The following IFT43 variants were observed in gnomAD, a reference collection of about 807,000 sequenced individuals.
IFT43 encodes the protein intraflagellar transport protein 43 homolog.
Under a neutral mutation model 32.3 loss-of-function variants are expected in IFT43, and 33 were observed. The observed-to-expected ratio is 1.02, with a 90% CI of 0.77 to 1.37. The LOEUF (loss-of-function observed/expected upper bound fraction) is 1.37, where lower values mean the gene tolerates loss of function less well. IFT43 is among the 40% of genes most tolerant of loss of function. IFT43 has a pLI of 0.00. For synonymous variants in IFT43, 93 were observed against 98.2 expected (o/e 0.95, Z 0.31); for missense variants, 274 against 265.9 (o/e 1.03, Z -0.21).
At chr14:75,989,096 C>T in intron 2 of IFT43, 119 bp downstream of exon 2, 1 of 1,284,904 alleles carries the variant, frequency 7.8e-7, no homozygotes, top group South Asian at 1.3e-5. Context: ...TTTCTCCTGT[C>T]TTGATTTGGG....
intron 2 of IFT43, among the ~76,000 whole-genome samples, chr14:76,020,821 G>T (rs1334255053): frequency 6.6e-6 from 1 of 152,070 alleles, no homozygotes; most frequent in African/African-American, 2.4e-5. Context: ...TGGTGGATCT[G>T]GGCAGGTCAG....
At chr14:76,013,217 C>A (rs1360117512) in intron 2 of IFT43, among the ~76,000 whole-genome samples, 1 of 152,216 alleles carries the variant, frequency 6.6e-6, no homozygotes. Flanking sequence ...AACTCAGACT[C>A]ATAACATTTG....
chr14:76,069,798 A>C (rs2037288555), intron 5 of IFT43, among the ~76,000 whole-genome samples: 1 of 152,228 alleles, frequency 6.6e-6, no homozygotes, highest in Non-Finnish European at 1.5e-5. Context: ...GCAGAGCCCA[A>C]GACTGAGTGG....
intron 3 of IFT43, among the ~76,000 whole-genome samples, chr14:76,049,580 T>C (rs2036874210): frequency 6.6e-6 from 1 of 151,996 alleles, no homozygotes; most frequent in South Asian, 2.1e-4. Flanking sequence ...AAATGCTAAG[T>C]GGTTGCAGAA....
chr14:76,083,541 G>A lies in IFT43; in HGVS notation c.591G>A (p.Glu197=), dbSNP rs1315482566. Residue 197 remains glutamate (E), a synonymous_variant, in exon 9 of 9, where the codon GAG becomes GAA. Transcript: ENST00000314067. The stretch of plus-strand genomic sequence containing the variant: ...CTGAGTGGGACCCACTGCAGACGGA[G>A]AAGGAGGACCCTGCGGGGCAGGCCA... ...VLTEWDPLQT[E]KEDPAGQARH... 1 of 1,614,186 alleles carries A rather than the reference G, an allele frequency of 6.2e-7. No individual in the cohort carries two copies. The highest frequency in any genetic ancestry group is 8.5e-7 in the Non-Finnish European group (1 of 1,180,038).
intron 2 of IFT43, among the ~76,000 whole-genome samples, chr14:76,009,183 A>G (rs536198060): frequency 7.6e-4 from 116 of 152,334 alleles, no homozygotes; most frequent in African/African-American, 2.7e-3. Flanking sequence ...GCAATCATGT[A>G]TCATCTGCTT....
intron 3 of IFT43, 38 bp downstream of exon 3, chr14:76,022,432 G>A: frequency 8.0e-7 from 1 of 1,242,348 alleles, no homozygotes; most frequent in Non-Finnish European, 1.2e-6. Flanking sequence ...GGGTGGGGGT[G>A]CACACGGTTG....
At chr14:75,986,901 AT>A (rs1234589744) in intron 1 of IFT43, among the ~76,000 whole-genome samples, 1 of 152,190 alleles carries the variant, frequency 6.6e-6, no homozygotes, top group African/African-American at 2.4e-5. Context: ...TTCAACAAAT[AT>A]TTATTGAGCC....
intron 3 of IFT43, among the ~76,000 whole-genome samples, chr14:76,038,885 T>C (rs1405225211): frequency 2.6e-5 from 4 of 152,130 alleles, no homozygotes; most frequent in African/African-American, 7.2e-5. Flanking sequence ...GAACAGCTCA[T>C]CTGTGGAGCC....
chr14:76,060,031 G>A lies in IFT43; in HGVS notation c.295+658G>A, dbSNP rs375156822. Among the ~76,000 whole-genome samples the A allele has an allele frequency of 2.4e-4, 37 of 152,078 alleles. 2 individuals carry two copies. Among genetic ancestry groups the A allele is most frequent in the East Asian group, 1.3e-3 (7 of 5,190 alleles). On this transcript the variant is annotated intron_variant, in intron 5 of 8. Coordinates refer to ENST00000314067, the MANE Select transcript of IFT43 (RefSeq NM_001102564.3). ...TATCTTTGCATCTCCAGTGTGTGAC[G>A]CATAGTAGTTAGTTAATGGCTAGCT...
intron 1 of IFT43, among the ~76,000 whole-genome samples, chr14:75,986,791 G>A (rs1395036831): frequency 6.6e-6 from 1 of 152,200 alleles, no homozygotes; most frequent in East Asian, 1.9e-4. Context: ...CAAGTCTTTA[G>A]TGTCTGCTGT....
Position 76,005,673 on chromosome 14 carries a change from A to C in IFT43, c.148-16654A>C, listed in dbSNP as rs117764191. On this transcript the variant is annotated intron_variant, in intron 2 of 8. Coordinates refer to ENST00000314067, the MANE Select transcript of IFT43 (RefSeq NM_001102564.3). ...CTGAGCTTTGTTCTTAAAGCCAATA[A>C]AATTGCAGCTTTCTGCTGGAGTTCC... is the stretch of plus-strand genomic sequence containing the variant. 3.1e-3 allele frequency among the ~76,000 whole-genome samples: 478 copies of C among 152,276 alleles called. 1 individual carries two copies. Among genetic ancestry groups the C allele is most frequent in the Non-Finnish European group, 4.7e-3 (320 of 68,026 alleles).
rs372111460 is a variant in IFT43, at chr14:75,986,118, T to C, written c.54+278T>C. 14 of 1,420,168 alleles carry C rather than the reference T, an allele frequency of 9.9e-6. No homozygotes were observed. In the East Asian group the frequency reaches 2.3e-4, roughly 23 times the overall value. The allele number at this position is 1,420,168 out of a possible 1,614,324, so 88.0% of individuals were successfully genotyped here. On this transcript the variant is annotated intron_variant, in intron 1 of 8. Coordinates refer to ENST00000314067, the MANE Select transcript of IFT43 (RefSeq NM_001102564.3). ...TGGGAAATTTCCGAGCCTTTCTCCG[T>C]TTTCTAGAGCCCCGAGTGCGAACTT...
chr14:76,079,990 T>C (rs1455544723), intron 5 of IFT43, among the ~76,000 whole-genome samples: 1 of 152,112 alleles, frequency 6.6e-6, no homozygotes, highest in African/African-American at 2.4e-5. Context: ...CCAGAACATA[T>C]TATGTGCTCA....
intron 3 of IFT43, among the ~76,000 whole-genome samples, chr14:76,027,579 G>C (rs1006250538): frequency 1.8e-4 from 28 of 151,970 alleles, no homozygotes; most frequent in Admixed American, 1.1e-3. Context: ...TGTGGTGGCG[G>C]GTGCCTGTAG....
chr14:76,017,239 CT>C (rs1445021741), intron 2 of IFT43, among the ~76,000 whole-genome samples: 1 of 151,920 alleles, frequency 6.6e-6, no homozygotes, highest in Admixed American at 6.6e-5. Context: ...GCCTGATTTG[CT>C]GAGAATTTTT....
intron 3 of IFT43, among the ~76,000 whole-genome samples, chr14:76,045,649 A>G (rs2036794242): frequency 1.3e-5 from 2 of 152,146 alleles, no homozygotes; most frequent in South Asian, 4.1e-4. Flanking sequence ...CTTTGTCACC[A>G]TGCTCGTGCC....
At chr14:76,010,439 ATTG>A (rs1056607877) in intron 2 of IFT43, among the ~76,000 whole-genome samples, 7 of 152,128 alleles carry the variant, frequency 4.6e-5, no homozygotes, top group African/African-American at 1.4e-4. Flanking sequence ...TAGTTTCTTT[ATTG>A]TTTTAACTTT....
intron 3 of IFT43, among the ~76,000 whole-genome samples, chr14:76,037,783 A>G (rs2036629887): frequency 6.6e-6 from 1 of 151,538 alleles, no homozygotes; most frequent in African/African-American, 2.4e-5. Context: ...AGTGGTTACT[A>G]TGCAAGAGAT....
Sources: gnomAD v4.1 joint callset for allele counts (sites outside exome capture counted in the v4.1 genomes callset) on GRCh38, gnomAD v4.1.1 for gene constraint, MANE v1.5 for transcripts, NCBI Gene and HGNC (gene_info 2026-07-23, HGNC 2026-07-21) for gene names.